NOXA1: variants seen among roughly 807,000 people sequenced by gnomAD.
The protein encoded by NOXA1 is NCF2-like protein.
Under a neutral mutation model 64.8 loss-of-function variants are expected in NOXA1, and 56 were observed. The ratio of observed to expected loss-of-function variants is 0.86; its 90% confidence interval spans 0.70 to 1.08. The LOEUF (loss-of-function observed/expected upper bound fraction) is 1.08. Ranked by LOEUF, NOXA1 falls within the 50% of genes least tolerant of loss-of-function variation. The pLI, the probability that NOXA1 is intolerant of heterozygous loss-of-function variation, is 0.00. For synonymous variants in NOXA1, 295 were observed against 294.8 expected, an observed-to-expected ratio of 1.00 and a Z score of -0.01; for missense variants, 668 against 658.5, an observed-to-expected ratio of 1.01 and a Z score of -0.16.
Position 137,427,990 on chromosome 9 carries a change from C to T in NOXA1, c.261-43C>T, listed in dbSNP as rs936904053. 7.3e-6 allele frequency: 10 copies of T among 1,362,344 alleles called. No individual in the cohort carries two copies. In the Admixed American group the frequency reaches 1.4e-4, roughly 19 times the overall value. 84.4% of individuals were successfully genotyped at this position (1,362,344 alleles called of 1,614,324 possible). ...TGTGAAAGCTGCCTAACCACAGCCCCATCTCCGCCCTGTGCTGCTGAGGGG... is the reference window on the plus strand; with the variant it reads ...TGTGAAAGCTGCCTAACCACAGCCCTATCTCCGCCCTGTGCTGCTGAGGGG... On this transcript the variant is annotated intron_variant, in intron 2 of 13. Transcript: ENST00000683555.
chr9:137,423,564 AC>A lies in NOXA1; in HGVS notation c.37del (p.Leu13TrpfsTer53). ...ASLGDLVRAW[H>X]LGAQAVDRGD... is the part of the protein sequence containing the mutation. ...CTGGGGGACCTGGTGCGCGCCTGGC[AC>A]CTGGGCGCGCAGGCTGTGGATCGTG... On this transcript the variant is annotated frameshift_variant, in exon 1 of 14. Transcript: ENST00000683555. LOFTEE classifies it high-confidence loss of function. 6.9e-7 allele frequency: 1 copy of A among 1,452,876 alleles called. No homozygotes were observed. The highest frequency in any genetic ancestry group is 9.1e-7 in the Non-Finnish European group (1 of 1,100,710). The allele number at this position is 1,452,876 out of a possible 1,614,324, so 90.0% of individuals were successfully genotyped here.
chr9:137,432,276 TC>T (rs549361176), intron 8 of NOXA1, among the ~76,000 whole-genome samples: 9 of 64,572 alleles, frequency 1.4e-4, no homozygotes, highest in East Asian at 1.3e-3. Context: ...CAAGACCCTG[TC>T]TCAAAAAAAA....
Position 137,434,009 on chromosome 9 carries a change from C to T in NOXA1, c.1224C>T (p.His408=). 6.4e-7 allele frequency: 1 copy of T among 1,567,802 alleles called. No individual in the cohort carries two copies. Among genetic ancestry groups the T allele is most frequent in the Non-Finnish European group, 8.6e-7 (1 of 1,160,448 alleles). ...RPVLYQVVAQ[H]SYSAQGPEDL... is the part of the protein sequence containing the mutation. ...TCCTCTACCAGGTGGTGGCCCAGCA[C>T]AGCTACTCCGCCCAGGGGCCAGAGG... The change falls in exon 13 of 14, where the codon CAC becomes CAT. Residue 408 remains histidine, a synonymous_variant. Transcript: ENST00000683555.
intron 3 of NOXA1, 105 bp downstream of exon 3, chr9:137,428,246 C>A: frequency 1.3e-6 from 1 of 785,540 alleles, no homozygotes; most frequent in Non-Finnish European, 2.1e-6. Flanking sequence ...CTGGCCGAAG[C>A]TCTTGGTGCC....
chr9:137,424,145 C>G (rs116765037), intron 1 of NOXA1, among the ~76,000 whole-genome samples: 2,190 of 152,226 alleles, frequency 0.014, 52 homozygotes, highest in African/African-American at 0.05. Flanking sequence ...GTGCCCTTCT[C>G]GTGCCCCCTC....
At position 137,431,642 on chromosome 9, in the gene NOXA1, C is replaced by T. The variant is rs1313390512; in HGVS notation, c.804+301C>T. ...CCTCAGTTTGGCCATTGCCCCTCCC[C>T]TCCCACTGGGGTGCGAGTGACCAGG... On this transcript the variant is annotated intron_variant, in intron 8 of 13. Coordinates refer to ENST00000683555, the MANE Select transcript of NOXA1 (RefSeq NM_001256067.2). This position sits in a 1 kb window ranked among gnomAD's most constrained non-coding sequence, Gnocchi z 5.6. Among the ~76,000 whole-genome samples the T allele has an allele frequency of 6.6e-6, 1 of 152,208 alleles. No homozygotes were observed. The highest frequency in any genetic ancestry group is 1.5e-5 in the Non-Finnish European group (1 of 68,016).
chr9:137,427,505 G>GCAT (rs1255724116), intron 2 of NOXA1, among the ~76,000 whole-genome samples: 13 of 152,264 alleles, frequency 8.5e-5, no homozygotes, highest in African/African-American at 3.1e-4. Flanking sequence ...CTTTACTGAA[G>GCAT]AGTCCCAGCA....
rs767523536 is a variant in NOXA1, at chr9:137,433,466, G to A, written c.923G>A (p.Gly308Glu). 2.5e-6 allele frequency: 4 copies of A among 1,601,746 alleles called. No individual in the cohort carries two copies. Among genetic ancestry groups the A allele is most frequent in the Non-Finnish European group, 1.7e-6 (2 of 1,177,978 alleles). ...DPAGAGGAGA[G>E]GSEPLVTVTV... ...GCCTGGACCCAGGGAGCAGGTGCAGGGGGCTCCGAGCCCCTGGTGACTGTC... is the reference window on the plus strand; with the variant it reads ...GCCTGGACCCAGGGAGCAGGTGCAGAGGGCTCCGAGCCCCTGGTGACTGTC... The change falls in exon 11 of 14, where the codon GGG (glycine) becomes GAG (glutamate). Residue 308 changes from glycine (G) to glutamate (E), a missense_variant. Gly to Glu is a moderately conservative substitution (Grantham distance 98). Transcript: ENST00000683555.
rs1367500021 is a variant in NOXA1 at position 137,423,395 on chromosome 9, CG to C, written c.-131del. 1 of 355,148 alleles carries C rather than the reference CG, an allele frequency of 2.8e-6. No individual in the cohort carries two copies. The highest frequency in any genetic ancestry group is 4.4e-6 in the Non-Finnish European group (1 of 227,272). 22.0% of individuals were successfully genotyped at this position (355,148 alleles called of 1,614,324 possible). On this transcript the variant is annotated 5_prime_UTR_variant, in exon 1 of 14. Transcript: ENST00000683555. Reference sequence around the variant, plus strand: ...GCCGCCAGGGGGCGCCGCGGGGCAGCGGGGTTGCACCTGGCGCTTGGCGCCC... The same window carrying C: ...GCCGCCAGGGGGCGCCGCGGGGCAGCGGGTTGCACCTGGCGCTTGGCGCCC...
chr9:137,426,948 CA>C (rs1309489366), intron 2 of NOXA1, among the ~76,000 whole-genome samples: 1 of 152,166 alleles, frequency 6.6e-6, no homozygotes, highest in Non-Finnish European at 1.5e-5. Flanking sequence ...AGGCATGTGC[CA>C]CCACGCCTGG....
At position 137,428,104 on chromosome 9, in the gene NOXA1, C is replaced by T. The variant is rs145080773; in HGVS notation, c.332C>T (p.Thr111Met). Residue 111 changes from threonine (T) to methionine (M), a missense_variant, in exon 3 of 14, where the codon ACG becomes ATG. Physicochemically the swap from Thr to Met is moderately conservative, Grantham distance 81. Transcript: ENST00000683555. ...AGGGGCCACGCTGCCATCGACTACA[C>T]GCAGCTGGGCCTGCGGTTCAAGCTG... is the stretch of plus-strand genomic sequence containing the variant. ...QLRGHAAIDY[T>M]QLGLRFKLQA... 8.2e-5 allele frequency: 129 copies of T among 1,581,274 alleles called. No homozygotes were observed. Among genetic ancestry groups the T allele is most frequent in the South Asian group, 1.0e-4 (9 of 86,526 alleles).
chr9:137,428,502 C>T (rs1349484019), intron 3 of NOXA1, among the ~76,000 whole-genome samples: 1 of 151,888 alleles, frequency 6.6e-6, no homozygotes, highest in African/African-American at 2.4e-5. Context: ...GGCCCCCCCA[C>T]CAGACCCCGG....
Position 137,428,873 on chromosome 9 carries a change from C to A in NOXA1, c.370-9C>A. The A allele has an allele frequency of 6.4e-7, 1 of 1,569,586 alleles. No homozygotes were observed. The highest frequency in any genetic ancestry group is 8.6e-7 in the Non-Finnish European group (1 of 1,160,110). On this transcript the variant is annotated splice_polypyrimidine_tract_variant and intron_variant, in intron 3 of 13. Transcript: ENST00000683555. ...CAGGCCCCTGCCATCACCTTGGCCC[C>A]ACTCCCAGGTGCTACACAATGTGGC... is the stretch of plus-strand genomic sequence containing the variant.
chr9:137,428,917 G>A lies in NOXA1; in HGVS notation c.405G>A (p.Leu135=), dbSNP rs762390549. ...LHNVASAQCQ[L]GLWTEAASSL... ...ATGTGGCGTCGGCACAGTGCCAGCT[G>A]GGGCTCTGGACAGAGGCGGCCAGCA... Residue 135 remains leucine (L), a synonymous_variant, in exon 4 of 14, where the codon CTG becomes CTA. Coordinates refer to ENST00000683555, the MANE Select transcript of NOXA1 (RefSeq NM_001256067.2). The A allele has an allele frequency of 1.9e-6, 3 of 1,594,418 alleles. 1 individual carries two copies. In the South Asian group the frequency reaches 3.4e-5, roughly 18 times the overall value.
At chr9:137,424,376 C>A (rs1261109927) in intron 1 of NOXA1, among the ~76,000 whole-genome samples, 2 of 152,234 alleles carry the variant, frequency 1.3e-5, no homozygotes, top group Non-Finnish European at 2.9e-5. Flanking sequence ...GCGCATGAGA[C>A]CCCCCTCTCT....
chr9:137,428,822 A>G, intron 3 of NOXA1, 60 bp from the exon 4 acceptor site: 1 of 1,433,444 alleles, frequency 7.0e-7, no homozygotes, highest in Non-Finnish European at 9.2e-7. Flanking sequence ...GGGTGGGGGA[A>G]CCGGGAGAGG....
chr9:137,433,416 C>T, intron 10 of NOXA1, 37 bp from the exon 11 acceptor site: 10 of 1,570,354 alleles, frequency 6.4e-6, no homozygotes, highest in Non-Finnish European at 7.8e-6. Flanking sequence ...GGCCCTGGGC[C>T]TCAGCGACCA....
intron 1 of NOXA1, among the ~76,000 whole-genome samples, chr9:137,424,041 C>A (rs1325759742): frequency 1.3e-5 from 2 of 152,190 alleles, no homozygotes; most frequent in Non-Finnish European, 2.9e-5. Flanking sequence ...CAGTCTCCTC[C>A]TCAGAGCCCT....
At chr9:137,428,846 A>T in intron 3 of NOXA1, 36 bp from the exon 4 acceptor site, 2 of 1,541,414 alleles carry the variant, frequency 1.3e-6, no homozygotes, top group Non-Finnish European at 1.7e-6. Flanking sequence ...TGGGTGGGGC[A>T]TCAGGCCCCT....
Sources: gnomAD v4.1 joint callset for allele counts (sites outside exome capture counted in the v4.1 genomes callset) on GRCh38, gnomAD v4.1.1 for gene constraint, Gnocchi (gnomAD v3.1) non-coding constraint, MANE v1.5 for transcripts, NCBI Gene and HGNC (gene_info 2026-07-23, HGNC 2026-07-21) for gene names.